The following HNRNPF variants were observed in gnomAD, a reference collection of about 807,000 sequenced individuals.
The protein encoded by HNRNPF is HnRNP F protein.
Under a neutral mutation model 26.0 loss-of-function variants are expected in HNRNPF, and 2 were observed. That is an observed-to-expected ratio of 0.08 (90% confidence interval 0.03 to 0.24). The LOEUF is 0.24. HNRNPF is among the 10% of genes least tolerant of loss of function. The pLI, the probability that HNRNPF is intolerant of heterozygous loss-of-function variation, is 1.00. For missense variants in HNRNPF, 299 were observed against 539.2 expected (o/e 0.55, Z 4.41); for synonymous variants, 234 against 211.5 (o/e 1.11, Z -0.92).
intron 3 of HNRNPF, among the ~76,000 whole-genome samples, chr10:43,392,989 G>A (rs770743483): frequency 6.6e-5 from 10 of 152,126 alleles, no homozygotes; most frequent in African/African-American, 1.2e-4. Flanking sequence ...AAGGAAACTG[G>A]AGTAATCCTT....
chr10:43,386,489 A>G lies in HNRNPF; in HGVS notation c.*148T>C, dbSNP rs1838027836. Reference sequence around the variant, plus strand: ...GCTAGAAGAAAATTTTGCATGAGAAAACACTGAAGAGGTAATTTTTTAATC... The same window carrying G: ...GCTAGAAGAAAATTTTGCATGAGAAGACACTGAAGAGGTAATTTTTTAATC... On this transcript the variant is annotated 3_prime_UTR_variant, in exon 4 of 4. Transcript: ENST00000682386. The G allele has an allele frequency of 1.4e-6, 1 of 723,628 alleles. No individual in the cohort carries two copies. Among genetic ancestry groups the G allele is most frequent in the Admixed American group, 2.8e-5 (1 of 35,848 alleles). The allele number at this position is 723,628 out of a possible 1,614,324, so 44.8% of individuals were successfully genotyped here.
At chr10:43,395,839 C>A (rs968610011) in intron 2 of HNRNPF, among the ~76,000 whole-genome samples, 1 of 152,194 alleles carries the variant, frequency 6.6e-6, no homozygotes, top group Non-Finnish European at 1.5e-5. Flanking sequence ...CCCACGTACA[C>A]CCATTTACCC....
intron 1 of HNRNPF, among the ~76,000 whole-genome samples, chr10:43,406,988 G>GT (rs1401162636): frequency 1.3e-5 from 2 of 152,076 alleles, no homozygotes; most frequent in African/African-American, 2.4e-5. Context: ...AGCACTTAAG[G>GT]TATCTTTCAC....
At chr10:43,405,379 G>A (rs1034734586) in intron 1 of HNRNPF, among the ~76,000 whole-genome samples, 3 of 152,130 alleles carry the variant, frequency 2.0e-5, no homozygotes, top group South Asian at 2.1e-4. Context: ...AATACATGCC[G>A]GGCGCGGTGG....
At chr10:43,402,513 C>T (rs936023520) in intron 1 of HNRNPF, among the ~76,000 whole-genome samples, 1 of 152,182 alleles carries the variant, frequency 6.6e-6, no homozygotes, top group African/African-American at 2.4e-5. Flanking sequence ...AGACTTCTAG[C>T]CTCCATAACC....
chr10:43,396,151 GC>G (rs142127152), intron 2 of HNRNPF, among the ~76,000 whole-genome samples: 7,294 of 152,326 alleles, frequency 0.048, 253 homozygotes, highest in South Asian at 0.12. Context: ...ATTAACGCTT[GC>G]CTTCAGGCAG....
At chr10:43,390,443 T>C (rs749238471) in intron 3 of HNRNPF, among the ~76,000 whole-genome samples, 1 of 152,032 alleles carries the variant, frequency 6.6e-6, no homozygotes, top group Non-Finnish European at 1.5e-5. Context: ...CACTAACCAT[T>C]TTCTCCTGGA....
chr10:43,404,114 T>C (rs1424965547), intron 1 of HNRNPF, among the ~76,000 whole-genome samples: 1 of 150,986 alleles, frequency 6.6e-6, no homozygotes, highest in Admixed American at 6.6e-5. Flanking sequence ...CTGGCCAACA[T>C]GGTGAAACCC....
chr10:43,385,802 T>G lies in HNRNPF; in HGVS notation c.*835A>C, dbSNP rs867467821. 1 of 152,322 alleles carries G rather than the reference T, an allele frequency of 6.6e-6. No homozygotes were observed. The highest frequency in any genetic ancestry group is 1.9e-4 in the East Asian group (1 of 5,204). 9.4% of individuals were successfully genotyped at this position (152,322 alleles called of 1,614,324 possible). A position where few individuals can be genotyped will look rare whatever the true frequency, so the allele number is the denominator to read the frequency against. On this transcript the variant is annotated 3_prime_UTR_variant, in exon 4 of 4. Transcript: ENST00000682386. The stretch of plus-strand genomic sequence containing the variant: ...CAGGTGGCTGGGGCCGTGTGTCTAT[T>G]TGATGCTTCCCAGAATGTGTGCTGC...
chr10:43,398,335 G>T (rs1206784901), intron 1 of HNRNPF, among the ~76,000 whole-genome samples: 33 of 121,352 alleles, frequency 2.7e-4, no homozygotes, highest in African/African-American at 1.1e-3. Context: ...TTTGGAGTTT[G>T]TTGTTGTTGT....
At chr10:43,397,056 AAG>A (rs2131979529) in intron 1 of HNRNPF, 2 of 151,132 alleles carry the variant, frequency 1.3e-5, no homozygotes, top group Admixed American at 1.3e-4. Flanking sequence ...AGCGCGGCTG[AAG>A]GGAGGGAAGG....
At chr10:43,389,123 G>A (rs762699256) in intron 3 of HNRNPF, among the ~76,000 whole-genome samples, 6 of 151,766 alleles carry the variant, frequency 4.0e-5, no homozygotes, top group African/African-American at 9.7e-5. Flanking sequence ...TGCACCAGCC[G>A]CCACGCACGG....
Position 43,402,242 on chromosome 10 carries a change from A to C in HNRNPF, c.-246-5652T>G, listed in dbSNP as rs576761854. 5.9e-5 allele frequency among the ~76,000 whole-genome samples: 9 copies of C among 152,342 alleles called. No individual in the cohort carries two copies. The South Asian group carries it at 1.4e-3, about 25-fold the overall frequency. On this transcript the variant is annotated intron_variant, in intron 1 of 3. Transcript: ENST00000682386. ...CAAAACAGAAACAATGGGGGAGAAG[A>C]TAAGAGATTTGGAGGACATACTTTT...
intron 1 of HNRNPF, among the ~76,000 whole-genome samples, chr10:43,406,960 G>A (rs927224454): frequency 6.6e-5 from 10 of 152,242 alleles, no homozygotes; most frequent in African/African-American, 1.9e-4. Context: ...TGAGAGCAAC[G>A]AGTCACTTTG....
rs538248910 is a variant in HNRNPF, at chr10:43,398,659, AATT to A, written c.-246-2072_-246-2070del. 3.7e-4 allele frequency among the ~76,000 whole-genome samples: 56 copies of A among 151,228 alleles called. 1 individual carries two copies. Among genetic ancestry groups the A allele is most frequent in the South Asian group, 2.7e-3 (13 of 4,776 alleles). ...CCGGCCTGTTTTACGTTTTTAACAG[AATT>A]ATTATTATTTTGAGACAGGGTCTGG... On this transcript the variant is annotated intron_variant, in intron 1 of 3. Transcript: ENST00000682386.
intron 1 of HNRNPF, among the ~76,000 whole-genome samples, chr10:43,401,352 A>C (rs1838749103): frequency 6.6e-6 from 1 of 152,312 alleles, no homozygotes; most frequent in South Asian, 2.1e-4. Flanking sequence ...ATGTTAGATA[A>C]ATTTTATCTA....
In HNRNPF at chr10:43,387,339, C is replaced by T; in HGVS notation, c.546G>A (p.Glu182=). 1 of 1,614,206 alleles carries T rather than the reference C, an allele frequency of 6.2e-7. No individual in the cohort carries two copies. The highest frequency in any genetic ancestry group is 8.5e-7 in the Non-Finnish European group (1 of 1,180,042). ...CTTCCTCCTGGCTGCTCTTAAACAC[C>T]TCAATGTACCTGTGCCCTATCCTCT... ...HKERIGHRYI[E]VFKSSQEEVR... is the part of the protein sequence containing the mutation. The change falls in exon 4 of 4, where the codon GAG becomes GAA. Residue 182 remains glutamate, a synonymous_variant. Coordinates refer to ENST00000682386, the MANE Select transcript of HNRNPF (RefSeq NM_001098204.2). This position sits in a 1 kb window ranked among gnomAD's most constrained non-coding sequence, Gnocchi z 6.0.
chr10:43,386,654 T>C lies in HNRNPF; in HGVS notation c.1231A>G (p.Met411Val). The C allele has an allele frequency of 1.3e-6, 2 of 1,564,368 alleles. No individual in the cohort carries two copies. The highest frequency in any genetic ancestry group is 1.2e-5 in the South Asian group (1 of 83,820). Reference protein sequence around the residue: ...YGAGYSGQNSMGGYD With the variant: ...YGAGYSGQNSVGGYD ...TAACAAAACTAGTCATAGCCACCCA[T>C]GCTGTTCTGCCCACTGTAGCCGGCC... is the stretch of plus-strand genomic sequence containing the variant. Residue 411 changes from methionine to valine, a missense_variant, in exon 4 of 4, where the codon ATG (methionine) becomes GTG (valine). Transcript: ENST00000682386.
At chr10:43,388,070 CA>C (rs1385935296) in intron 3 of HNRNPF, 134 bp from the exon 4 acceptor site, 2 of 556,998 alleles carry the variant, frequency 3.6e-6, no homozygotes, top group African/African-American at 3.8e-5. Context: ...CCAGGTCTCT[CA>C]AAAAATTACA....
Sources: allele counts gnomAD v4.1 joint callset (sites outside exome capture counted in the v4.1 genomes callset), GRCh38; gene constraint gnomAD v4.1.1; non-coding constraint Gnocchi (gnomAD v3.1); transcripts MANE v1.5; gene names NCBI Gene and HGNC (gene_info 2026-07-23, HGNC 2026-07-21).